The following ZCCHC7 variants were observed in gnomAD, a reference collection of about 807,000 sequenced individuals.
ZCCHC7 encodes the protein zinc finger CCHC domain-containing protein 7.
A neutral mutation model predicts 52.0 loss-of-function variants in ZCCHC7; 35 were observed. The observed-to-expected ratio is 0.67, with a 90% CI of 0.51 to 0.89. The LOEUF (loss-of-function observed/expected upper bound fraction) is 0.89, where lower values mean the gene tolerates loss of function less well. ZCCHC7 is among the 40% of genes least tolerant of loss of function. The pLI is 0.00. For missense variants in ZCCHC7, 574 were observed against 649.1 expected, an observed-to-expected ratio of 0.88 and a Z score of 1.26; for synonymous variants, 217 against 221.5, an observed-to-expected ratio of 0.98 and a Z score of 0.18.
intron 2 of ZCCHC7, among the ~76,000 whole-genome samples, chr9:37,224,241 T>A (rs1239675938): frequency 6.6e-6 from 1 of 152,224 alleles, no homozygotes; most frequent in East Asian, 1.9e-4. Flanking sequence ...CAATGAAAAA[T>A]TATCCAAAGA....
chr9:37,320,151 C>T (rs7026019), intron 5 of ZCCHC7, among the ~76,000 whole-genome samples: 7,567 of 152,252 alleles, frequency 0.05, 623 homozygotes, highest in African/African-American at 0.17. Context: ...TGTGTTGGCT[C>T]ACTGCAACCT....
chr9:37,246,209 A>G lies in ZCCHC7; in HGVS notation c.611-55979A>G, dbSNP rs185027617. 1.6e-3 allele frequency among the ~76,000 whole-genome samples: 246 copies of G among 152,254 alleles called. 1 individual carries two copies. The highest frequency in any genetic ancestry group is 5.7e-3 in the African/African-American group (237 of 41,560). ...GGAGAATCAAGTTTGAAAGTGGACAAATAATAGTTTGTTTTTAACATTTGA... is the reference window on the plus strand; with the variant it reads ...GGAGAATCAAGTTTGAAAGTGGACAGATAATAGTTTGTTTTTAACATTTGA... On this transcript the variant is annotated intron_variant, in intron 2 of 8. Transcript: ENST00000336755.
At chr9:37,159,744 T>A (rs1173882235) in intron 2 of ZCCHC7, among the ~76,000 whole-genome samples, 1 of 152,206 alleles carries the variant, frequency 6.6e-6, no homozygotes, top group African/African-American at 2.4e-5. Flanking sequence ...AGAATTCCTG[T>A]AGAACCTCTG....
intron 2 of ZCCHC7, among the ~76,000 whole-genome samples, chr9:37,223,365 TTG>T (rs1824925916): frequency 6.6e-6 from 1 of 152,074 alleles, no homozygotes; most frequent in Non-Finnish European, 1.5e-5. Context: ...CTTGAAAACT[TTG>T]TGTTAAGTGC....
intron 2 of ZCCHC7, among the ~76,000 whole-genome samples, chr9:37,201,684 G>A (rs1004160211): frequency 2.6e-5 from 4 of 152,128 alleles, no homozygotes; most frequent in Non-Finnish European, 4.4e-5. Flanking sequence ...GCATCCTAGG[G>A]CACTTAAAGA....
At chr9:37,323,673 T>C (rs1018436368) in intron 5 of ZCCHC7, among the ~76,000 whole-genome samples, 5 of 152,200 alleles carry the variant, frequency 3.3e-5, no homozygotes, top group Non-Finnish European at 7.3e-5. Flanking sequence ...TGAATCTTAA[T>C]TGTATATTTC....
chr9:37,308,103 C>G (rs569014078), intron 5 of ZCCHC7, among the ~76,000 whole-genome samples: 1 of 152,144 alleles, frequency 6.6e-6, no homozygotes, highest in Non-Finnish European at 1.5e-5. Flanking sequence ...ATTTGTATTT[C>G]TTTGGTTATT....
chr9:37,344,126 A>G (rs1280557582), intron 6 of ZCCHC7, among the ~76,000 whole-genome samples: 1 of 152,216 alleles, frequency 6.6e-6, no homozygotes, highest in Non-Finnish European at 1.5e-5. Context: ...CAGCCTCAGC[A>G]GCATAGCAAG....
At chr9:37,346,653 C>T (rs1182464631) in intron 6 of ZCCHC7, among the ~76,000 whole-genome samples, 6 of 152,000 alleles carry the variant, frequency 3.9e-5, no homozygotes, top group South Asian at 4.1e-4. Flanking sequence ...CCAGCCTGAG[C>T]GACAAAGCGA....
In ZCCHC7 at chr9:37,192,622, G is replaced by C. The variant is rs186865350; in HGVS notation, c.610+65680G>C. On this transcript the variant is annotated intron_variant, in intron 2 of 8. Transcript: ENST00000336755. ...TTCTTGAAGAGTTATTCTTTTTGCT[G>C]TTAATGTGTGTGTCACCTATGGAAA... Among the ~76,000 whole-genome samples, 6 of 152,276 alleles carry C rather than the reference G, an allele frequency of 3.9e-5. No individual in the cohort carries two copies. In the East Asian group the frequency reaches 9.6e-4, roughly 24 times the overall value.
chr9:37,129,730 G>T (rs1842695267), intron 2 of ZCCHC7, among the ~76,000 whole-genome samples: 1 of 152,160 alleles, frequency 6.6e-6, no homozygotes, highest in Non-Finnish European at 1.5e-5. Context: ...ACTGAAAACT[G>T]CAGTATGACA....
intron 2 of ZCCHC7, among the ~76,000 whole-genome samples, chr9:37,147,139 A>G (rs777501963): frequency 3.3e-5 from 5 of 151,966 alleles, no homozygotes; most frequent in Non-Finnish European, 5.9e-5. Flanking sequence ...AATTATATAT[A>G]TCAATTTAAT....
intron 2 of ZCCHC7, among the ~76,000 whole-genome samples, chr9:37,170,336 G>T (rs1821661917): frequency 6.6e-6 from 1 of 152,158 alleles, no homozygotes; most frequent in Admixed American, 6.5e-5. Context: ...ATTTTCCAAA[G>T]ATTGCTACAC....
intron 2 of ZCCHC7, among the ~76,000 whole-genome samples, chr9:37,188,025 A>G (rs1296148755): frequency 6.6e-6 from 1 of 152,170 alleles, no homozygotes; most frequent in Non-Finnish European, 1.5e-5. Flanking sequence ...GTTTTCAGCC[A>G]TTATTTACTC....
intron 7 of ZCCHC7, among the ~76,000 whole-genome samples, chr9:37,351,240 T>G (rs1389036469): frequency 6.6e-6 from 1 of 152,194 alleles, no homozygotes; most frequent in African/African-American, 2.4e-5. Context: ...AACCATGTGA[T>G]GTAAACAACC....
chr9:37,209,147 T>C (rs1649030896), intron 2 of ZCCHC7, among the ~76,000 whole-genome samples: 1 of 152,068 alleles, frequency 6.6e-6, no homozygotes. Context: ...TTCACGCCAT[T>C]TGCCTGCCTC....
chr9:37,316,940 AAAT>A (rs1007729932), intron 5 of ZCCHC7, among the ~76,000 whole-genome samples: 2 of 151,942 alleles, frequency 1.3e-5, no homozygotes, highest in African/African-American at 2.4e-5. Flanking sequence ...AGATCAAAAA[AAAT>A]AATAATAATC....
intron 2 of ZCCHC7, among the ~76,000 whole-genome samples, chr9:37,241,239 A>C (rs1368587636): frequency 9.9e-5 from 15 of 151,786 alleles, no homozygotes; most frequent in Non-Finnish European, 5.9e-5. Context: ...CTTAGAGCTG[A>C]GTATTTGGTG....
At chr9:37,339,574 A>G (rs1177200654) in intron 6 of ZCCHC7, among the ~76,000 whole-genome samples, 1 of 152,228 alleles carries the variant, frequency 6.6e-6, no homozygotes, top group African/African-American at 2.4e-5. Flanking sequence ...TGAAAATCAT[A>G]TTGATTGAAG....
Sources: gnomAD v4.1 joint callset for allele counts (sites outside exome capture counted in the v4.1 genomes callset) on GRCh38, gnomAD v4.1.1 for gene constraint, MANE v1.5 for transcripts, NCBI Gene and HGNC (gene_info 2026-07-23, HGNC 2026-07-21) for gene names.